The following TAF3 variants were observed in gnomAD, a reference collection of about 807,000 sequenced individuals.
TAF3 encodes the protein TATA-box binding protein associated factor 3.
Under a neutral mutation model 80.6 loss-of-function variants are expected in TAF3, and 7 were observed. That is an observed-to-expected ratio of 0.09 (90% CI 0.05 to 0.16). The LOEUF is 0.16. Ranked by LOEUF, TAF3 falls within the 10% of genes least tolerant of loss-of-function variation. TAF3 has a pLI of 1.00. For missense variants in TAF3, 921 were observed against 1,140.2 expected, an observed-to-expected ratio of 0.81 and a Z score of 2.77; for synonymous variants, 444 against 446.1, an observed-to-expected ratio of 1.00 and a Z score of 0.06.
intron 2 of TAF3, among the ~76,000 whole-genome samples, chr10:7,887,324 G>A (rs1396743954): frequency 1.3e-5 from 2 of 152,060 alleles, no homozygotes; most frequent in Non-Finnish European, 2.9e-5. Flanking sequence ...GTAGTTGAAG[G>A]GGTTGTTGTG....
intron 2 of TAF3, among the ~76,000 whole-genome samples, chr10:7,945,877 C>T (rs977757478): frequency 3.9e-5 from 6 of 152,192 alleles, no homozygotes; most frequent in African/African-American, 1.4e-4. Flanking sequence ...TTGTTGTTGC[C>T]TATCTGCCCT....
chr10:7,934,025 T>C (rs1334251662), intron 2 of TAF3, among the ~76,000 whole-genome samples: 1 of 152,172 alleles, frequency 6.6e-6, no homozygotes, highest in Non-Finnish European at 1.5e-5. Context: ...ATCCCAGAGA[T>C]GCTCATTGAG....
chr10:7,911,053 A>G (rs1007102362), intron 2 of TAF3, among the ~76,000 whole-genome samples: 1 of 152,230 alleles, frequency 6.6e-6, no homozygotes, highest in African/African-American at 2.4e-5. Context: ...GTTGGGGTGC[A>G]GATGGTATTT....
intron 2 of TAF3, among the ~76,000 whole-genome samples, chr10:7,885,456 C>CA (rs1837401252): frequency 6.6e-6 from 1 of 151,930 alleles, no homozygotes; most frequent in Admixed American, 6.6e-5. Context: ...CAGAATTATA[C>CA]AAAAAAGGTA....
intron 5 of TAF3, 40 bp from the exon 6 acceptor site, chr10:8,013,687 TCCCA>T: frequency 1.9e-6 from 3 of 1,554,734 alleles, no homozygotes; most frequent in Admixed American, 3.3e-5. Context: ...TTGTTTTTTT[TCCCA>T]TTCCCTCCAT....
intron 2 of TAF3, among the ~76,000 whole-genome samples, chr10:7,932,740 C>T (rs1358446086): frequency 7.4e-6 from 1 of 135,974 alleles, no homozygotes; most frequent in Non-Finnish European, 1.5e-5. Flanking sequence ...TGCAGTGGCA[C>T]AGTCGTGGCT....
At chr10:7,925,937 G>C (rs1444975187) in intron 2 of TAF3, among the ~76,000 whole-genome samples, 2 of 151,194 alleles carry the variant, frequency 1.3e-5, no homozygotes, top group Non-Finnish European at 1.5e-5. Context: ...GGTAAGGCCA[G>C]GTGCAGTGGC....
chr10:7,977,415 C>T (rs1831684107), intron 4 of TAF3, 92 bp downstream of exon 4: 1 of 1,250,772 alleles, frequency 8.0e-7, no homozygotes, highest in East Asian at 2.4e-5. Context: ...CAAGCTTCTC[C>T]CAGGTATGAA....
At chr10:8,004,848 G>A (rs1458360981) in intron 4 of TAF3, among the ~76,000 whole-genome samples, 4 of 152,102 alleles carry the variant, frequency 2.6e-5, no homozygotes, top group Non-Finnish European at 5.9e-5. Context: ...AAAGTCTCAG[G>A]TACTCTTTGT....
rs551502644 is a variant in TAF3, at chr10:7,913,032, C to T, written c.410-50888C>T. Reference sequence around the variant, plus strand: ...GCAGGTTTGGTTTCCCCTGAGACCTCTTTCCTCGGCTTGCAGGTGGGCGCC... The same window carrying T: ...GCAGGTTTGGTTTCCCCTGAGACCTTTTTCCTCGGCTTGCAGGTGGGCGCC... On this transcript the variant is annotated intron_variant, in intron 2 of 6. Transcript: ENST00000344293. 7.2e-5 allele frequency among the ~76,000 whole-genome samples: 11 copies of T among 152,302 alleles called. No individual in the cohort carries two copies. In the South Asian group the frequency reaches 1.5e-3, roughly 20 times the overall value.
At chr10:7,979,495 T>C (rs1831705349) in intron 4 of TAF3, among the ~76,000 whole-genome samples, 1 of 152,226 alleles carries the variant, frequency 6.6e-6, no homozygotes, top group Non-Finnish European at 1.5e-5. Flanking sequence ...TTGAAAGATA[T>C]GAGAAATCCT....
At chr10:7,887,063 G>A (rs184050812) in intron 2 of TAF3, among the ~76,000 whole-genome samples, 11 of 151,728 alleles carry the variant, frequency 7.2e-5, no homozygotes, top group Non-Finnish European at 7.4e-5. Context: ...GTGAAACCTC[G>A]TCTCTACTAA....
chr10:7,839,229 C>A (rs925058424), intron 2 of TAF3, among the ~76,000 whole-genome samples: 1 of 152,140 alleles, frequency 6.6e-6, no homozygotes, highest in South Asian at 2.1e-4. Flanking sequence ...CCCACCCTGG[C>A]TTCTTTGAGC....
In TAF3 at chr10:7,994,977, GAAAAAAAAAAA is replaced by G. The variant is rs71287400; in HGVS notation, c.2316-14093_2316-14083del. ...AGAGCAAGACTCCGTCTCAAAAAAA[GAAAAAAAAAAA>G]AAAAAAAGAAAAAAGAAATCCTGAG... On this transcript the variant is annotated intron_variant, in intron 4 of 6. Coordinates refer to ENST00000344293, the MANE Select transcript of TAF3 (RefSeq NM_031923.4). Among the ~76,000 whole-genome samples the G allele has an allele frequency of 2.2e-4, 21 of 97,646 alleles. 1 individual carries two copies. Among genetic ancestry groups the G allele is most frequent in the Non-Finnish European group, 3.0e-4 (15 of 49,642 alleles). The allele number at this position is 97,646 out of a possible 152,430, so 64.1% of individuals were successfully genotyped here.
chr10:7,974,227 C>A (rs866435831), intron 3 of TAF3, among the ~76,000 whole-genome samples: 2 of 151,988 alleles, frequency 1.3e-5, no homozygotes, highest in African/African-American at 4.8e-5. Context: ...TTGCTCCACC[C>A]GCCACCCATC....
At chr10:7,967,211 C>A (rs1831579177) in intron 3 of TAF3, among the ~76,000 whole-genome samples, 1 of 148,400 alleles carries the variant, frequency 6.7e-6, no homozygotes, top group Non-Finnish European at 1.5e-5. Flanking sequence ...AGAGATACTG[C>A]CTGACAGCAG....
At position 7,947,543 on chromosome 10, in the gene TAF3, G is replaced by A. The variant is rs533166245; in HGVS notation, c.410-16377G>A. Among the ~76,000 whole-genome samples, 26 of 152,300 alleles carry A rather than the reference G, an allele frequency of 1.7e-4. No individual in the cohort carries two copies. In the South Asian group the frequency reaches 3.3e-3, roughly 19 times the overall value. ...ATTGCAATGTGCAGTGATCAGAGAC[G>A]GCTTCACTGAGGGGTGACATTAGAG... On this transcript the variant is annotated intron_variant, in intron 2 of 6. Transcript: ENST00000344293.
At chr10:7,831,879 CTTTTT>C (rs1453801805) in intron 2 of TAF3, among the ~76,000 whole-genome samples, 1 of 151,578 alleles carries the variant, frequency 6.6e-6, no homozygotes, top group Non-Finnish European at 1.5e-5. Flanking sequence ...TATTTCTTTT[CTTTTT>C]TTAATTTTAA....
At chr10:7,978,005 T>C (rs1245737523) in intron 4 of TAF3, among the ~76,000 whole-genome samples, 1 of 152,190 alleles carries the variant, frequency 6.6e-6, no homozygotes, top group Non-Finnish European at 1.5e-5. Context: ...TACCTGATCC[T>C]AATAAGATAA....
Sources: allele counts gnomAD v4.1 joint callset (sites outside exome capture counted in the v4.1 genomes callset), GRCh38; gene constraint gnomAD v4.1.1; transcripts MANE v1.5; gene names NCBI Gene and HGNC (gene_info 2026-07-23, HGNC 2026-07-21).